The following SYN3 variants were observed in gnomAD, a reference collection of about 807,000 sequenced individuals.
The protein encoded by SYN3 is synapsin-3.
SYN3 carries 35 observed loss-of-function variants against 65.8 expected under a neutral mutation model. That is an observed-to-expected ratio of 0.53 (90% CI 0.41 to 0.70). SYN3 has a LOEUF of 0.70. SYN3 is among the 30% of genes least tolerant of loss of function. The probability of loss-of-function intolerance (pLI) is 0.00; values close to 1 mark genes in which losing one functional copy is unlikely to be tolerated. For synonymous variants in SYN3, 270 were observed against 292.9 expected (o/e 0.92, Z 0.80); for missense variants, 680 against 749.0 (o/e 0.91, Z 1.08).
intron 6 of SYN3, among the ~76,000 whole-genome samples, chr22:32,624,302 G>A (rs944439907): frequency 3.3e-5 from 5 of 152,168 alleles, no homozygotes; most frequent in African/African-American, 9.7e-5. Flanking sequence ...CAGAGGCTGG[G>A]TGGGGGGTCA....
chr22:32,615,837 G>T (rs1330508124), intron 6 of SYN3, among the ~76,000 whole-genome samples: 1 of 152,206 alleles, frequency 6.6e-6, no homozygotes, highest in Non-Finnish European at 1.5e-5. Context: ...GGCCAGAGGA[G>T]GTCTTCCTGG....
intron 6 of SYN3, among the ~76,000 whole-genome samples, chr22:32,662,505 T>C (rs2060229995): frequency 6.6e-6 from 1 of 152,206 alleles, no homozygotes; most frequent in Admixed American, 6.5e-5. Flanking sequence ...CCAAAGCACA[T>C]GCTTTGGCAT....
chr22:32,535,055 C>T (rs541276858), intron 9 of SYN3, among the ~76,000 whole-genome samples: 32 of 152,274 alleles, frequency 2.1e-4, no homozygotes, highest in African/African-American at 6.5e-4. Context: ...CTCATTCCCT[C>T]GAATCCCAGC....
In SYN3 at chr22:32,760,579, C is replaced by A. The variant is rs529775875; in HGVS notation, c.711+104336G>T. ...AGGTTGACAGAAGGCACATGCAGGG[C>A]CCCCCGTGGGCAGAGCTCACATCAC... On this transcript the variant is annotated intron_variant, in intron 6 of 13. Transcript: ENST00000358763. Among the ~76,000 whole-genome samples the A allele has an allele frequency of 5.3e-4, 80 of 152,154 alleles. 1 individual carries two copies. The highest frequency in any genetic ancestry group is 1.7e-3 in the African/African-American group (69 of 41,528).
At chr22:32,888,789 G>A (rs2049362552) in intron 4 of SYN3, among the ~76,000 whole-genome samples, 1 of 152,150 alleles carries the variant, frequency 6.6e-6, no homozygotes, top group East Asian at 1.9e-4. Flanking sequence ...GGTCACTGGA[G>A]CATTCTGGAT....
chr22:32,510,396 T>C lies in SYN3; in HGVS notation c.*3296A>G, dbSNP rs1196374258. ...GTGGCCCACAGGTTGAGAAACTTTG[T>C]CCAGCCTATTACCATTCAGTTGTAT... On this transcript the variant is annotated 3_prime_UTR_variant, in exon 14 of 14. Coordinates refer to ENST00000358763, the MANE Select transcript of SYN3 (RefSeq NM_003490.4). Among the ~76,000 whole-genome samples, 2 of 152,216 alleles carry C rather than the reference T, an allele frequency of 1.3e-5. No individual in the cohort carries two copies. Among genetic ancestry groups the C allele is most frequent in the Non-Finnish European group, 2.9e-5 (2 of 68,036 alleles).
chr22:32,600,411 G>A (rs1244435904), intron 6 of SYN3, among the ~76,000 whole-genome samples: 2 of 152,172 alleles, frequency 1.3e-5, no homozygotes, highest in South Asian at 2.1e-4. Context: ...ACTTACCCAC[G>A]GCTCACCTTC....
At chr22:32,692,196 A>T (rs2060673875) in intron 6 of SYN3, among the ~76,000 whole-genome samples, 1 of 145,548 alleles carries the variant, frequency 6.9e-6, no homozygotes. Flanking sequence ...CTGCAAAGAG[A>T]GAAGAGAGTG....
chr22:32,739,172 A>AC, intron 6 of SYN3, among the ~76,000 whole-genome samples: 1 of 134,502 alleles, frequency 7.4e-6, no homozygotes, highest in Non-Finnish European at 1.7e-5. Flanking sequence ...TAATTGAATC[A>AC]CAGGGGGGGG....
At chr22:32,593,936 A>G (rs1032680851) in intron 7 of SYN3, among the ~76,000 whole-genome samples, 2 of 152,168 alleles carry the variant, frequency 1.3e-5, no homozygotes, top group African/African-American at 2.4e-5. Flanking sequence ...GGAGAGAAGC[A>G]TGCACCAGAG....
Position 32,509,241 on chromosome 22 carries a change from T to C in SYN3, c.*4451A>G, listed in dbSNP as rs2057664823. Among the ~76,000 whole-genome samples the C allele has an allele frequency of 6.6e-6, 1 of 152,204 alleles. No individual in the cohort carries two copies. The highest frequency in any genetic ancestry group is 2.1e-4 in the South Asian group (1 of 4,834). On this transcript the variant is annotated 3_prime_UTR_variant, in exon 14 of 14. Transcript: ENST00000358763. ...GGCTGCGTTTTTAAATCCCTGTTCA[T>C]TGTGAACAAATCAAATAGGTCTTTG...
chr22:32,682,806 C>A (rs4820090), intron 6 of SYN3, among the ~76,000 whole-genome samples: 45,519 of 152,098 alleles, frequency 0.3, 9,194 homozygotes, highest in East Asian at 0.64. Flanking sequence ...GGCACATGCC[C>A]TTGTAAAGGC....
At chr22:32,769,996 C>A (rs2045726213) in intron 6 of SYN3, among the ~76,000 whole-genome samples, 1 of 152,160 alleles carries the variant, frequency 6.6e-6, no homozygotes, top group South Asian at 2.1e-4. Context: ...ATAGGCATTT[C>A]TAGTCTAATA....
intron 4 of SYN3, among the ~76,000 whole-genome samples, chr22:32,896,413 G>C (rs911855518): frequency 1.3e-5 from 2 of 152,112 alleles, no homozygotes; most frequent in Non-Finnish European, 2.9e-5. Flanking sequence ...TTGAGGTTGC[G>C]CCACTGCACT....
intron 6 of SYN3, among the ~76,000 whole-genome samples, chr22:32,805,185 T>C (rs1372615536): frequency 6.6e-6 from 1 of 152,026 alleles, no homozygotes; most frequent in Non-Finnish European, 1.5e-5. Context: ...TAGGATGAAG[T>C]GTGTTCGGGG....
chr22:32,543,136 T>G (rs1489643723), intron 7 of SYN3, among the ~76,000 whole-genome samples: 1 of 152,168 alleles, frequency 6.6e-6, no homozygotes, highest in Non-Finnish European at 1.5e-5. Context: ...CCTTGGCAAC[T>G]CTGTCCCTCC....
rs139802295 is a variant in SYN3, at chr22:32,871,409, C to T, written c.462-2284G>A. Reference sequence around the variant, plus strand: ...TCCTCAAAATAAAAGTAGCAGGAAGCTCCTCATTGTCTTTACGGATTTGGA... The same window carrying T: ...TCCTCAAAATAAAAGTAGCAGGAAGTTCCTCATTGTCTTTACGGATTTGGA... On this transcript the variant is annotated intron_variant, in intron 4 of 13. Coordinates refer to ENST00000358763, the MANE Select transcript of SYN3 (RefSeq NM_003490.4). Among the ~76,000 whole-genome samples the T allele has an allele frequency of 2.8e-3, 419 of 152,294 alleles. 10 individuals are homozygous for T. Among genetic ancestry groups the T allele is most frequent in the Admixed American group, 0.021 (323 of 15,296 alleles).
At chr22:32,679,055 T>TTC (rs1279077622) in intron 6 of SYN3, among the ~76,000 whole-genome samples, 6 of 138,424 alleles carry the variant, frequency 4.3e-5, no homozygotes, top group Non-Finnish European at 9.4e-5. Context: ...TTTCTTTTTT[T>TTC]TTTTTTTTTT....
intron 2 of SYN3, among the ~76,000 whole-genome samples, chr22:32,995,127 G>C (rs2052840906): frequency 1.3e-5 from 2 of 152,178 alleles, no homozygotes; most frequent in South Asian, 4.1e-4. Flanking sequence ...CTCCCTGCTG[G>C]TGGCGGACAG....
Sources: gnomAD v4.1 joint callset for allele counts (sites outside exome capture counted in the v4.1 genomes callset) on GRCh38, gnomAD v4.1.1 for gene constraint, MANE v1.5 for transcripts, NCBI Gene and HGNC (gene_info 2026-07-23, HGNC 2026-07-21) for gene names.